SDC1: variants seen among roughly 807,000 people sequenced by gnomAD.
SDC1 encodes syndecan 1.
In SDC1, 14 loss-of-function variants were observed where a neutral mutation model predicts 29.7. The observed-to-expected ratio is 0.47, with a 90% CI of 0.31 to 0.74. The LOEUF is 0.74. SDC1 is among the 30% of genes least tolerant of loss of function. SDC1 has a pLI of 0.05. For missense variants in SDC1, 406 were observed against 400.3 expected (o/e 1.01, Z -0.12); for synonymous variants, 204 against 175.5 (o/e 1.16, Z -1.29).
intron 1 of SDC1, among the ~76,000 whole-genome samples, chr2:20,221,899 G>A (rs1677832896): frequency 6.6e-6 from 1 of 152,160 alleles, no homozygotes; most frequent in African/African-American, 2.4e-5. Flanking sequence ...CCTGAGCGGA[G>A]GCAGCTAGTG....
chr2:20,218,113 C>T (rs1458386167), intron 1 of SDC1, among the ~76,000 whole-genome samples: 1 of 152,236 alleles, frequency 6.6e-6, no homozygotes, highest in Non-Finnish European at 1.5e-5. Context: ...AGGATAAGGT[C>T]TCTCTGTAAC....
At chr2:20,220,450 C>T (rs1677782732) in intron 1 of SDC1, among the ~76,000 whole-genome samples, 1 of 152,164 alleles carries the variant, frequency 6.6e-6, no homozygotes, top group Non-Finnish European at 1.5e-5. Flanking sequence ...CTTCCTCATC[C>T]ACAAAGTGGG....
intron 1 of SDC1, among the ~76,000 whole-genome samples, chr2:20,222,184 C>T (rs1276748089): frequency 2.0e-5 from 3 of 152,190 alleles, no homozygotes; most frequent in South Asian, 2.1e-4. Context: ...GAGCAACCTC[C>T]TCTCCTAGCA....
intron 1 of SDC1, among the ~76,000 whole-genome samples, chr2:20,219,242 G>A (rs780807767): frequency 6.6e-6 from 1 of 151,850 alleles, no homozygotes; most frequent in South Asian, 2.1e-4. Context: ...ACCCCTCCCC[G>A]AGATCCCCAC....
rs2148276151 is a variant in SDC1 at position 20,202,068 on chromosome 2, T to G, written c.*698A>C. ...GACAACACACAAACTAAGCCTACAT[T>G]TTGGCTTCCAGATTTGGTTCTCCTA... On this transcript the variant is annotated 3_prime_UTR_variant, in exon 5 of 5. Coordinates refer to ENST00000254351, the MANE Select transcript of SDC1 (RefSeq NM_002997.5). The G allele has an allele frequency of 7.3e-6, 4 of 545,852 alleles. No individual in the cohort carries two copies. Among genetic ancestry groups the G allele is most frequent in the Admixed American group, 7.2e-5 (2 of 27,788 alleles). 33.8% of individuals were successfully genotyped at this position (545,852 alleles called of 1,614,324 possible).
intron 1 of SDC1, chr2:20,208,102 T>A: frequency 1.0e-6 from 1 of 985,396 alleles, no homozygotes; most frequent in Non-Finnish European, 1.2e-6. Flanking sequence ...GCTAGAACCA[T>A]TGGATCCATG....
rs562505607 is a variant in SDC1 at position 20,202,010 on chromosome 2, A to G, written c.*756T>C. ...CGGGGCCACCAGACAGATAGTCCAT[A>G]CCCTGTTGCACACATGAGCGACAAA... On this transcript the variant is annotated 3_prime_UTR_variant, in exon 5 of 5. Coordinates refer to ENST00000254351, the MANE Select transcript of SDC1 (RefSeq NM_002997.5). 4.3e-5 allele frequency: 20 copies of G among 466,946 alleles called. No individual in the cohort carries two copies. The highest frequency in any genetic ancestry group is 3.9e-4 in the African/African-American group (19 of 49,064). The allele number at this position is 466,946 out of a possible 1,614,324, so 28.9% of individuals were successfully genotyped here.
chr2:20,214,951 C>A (rs1210474472), intron 1 of SDC1, among the ~76,000 whole-genome samples: 2 of 152,206 alleles, frequency 1.3e-5, no homozygotes, highest in Non-Finnish European at 2.9e-5. Flanking sequence ...TAGTACCATG[C>A]ACATTTTACA....
At chr2:20,208,041 C>T (rs1677336085) in intron 1 of SDC1, 18 of 985,432 alleles carry the variant, frequency 1.8e-5, no homozygotes, top group South Asian at 1.4e-4. Flanking sequence ...ACTGGCACTT[C>T]GACCCCACGA....
rs144337471 is a variant in SDC1 at position 20,207,603 on chromosome 2, G to T, written c.67-2179C>A. Among the ~76,000 whole-genome samples, 246 of 152,336 alleles carry T rather than the reference G, an allele frequency of 1.6e-3. 4 individuals carry two copies. The East Asian group carries it at 0.043, about 27-fold the overall frequency. On this transcript the variant is annotated intron_variant, in intron 1 of 4. Transcript: ENST00000254351. Reference sequence around the variant, plus strand: ...GCCTATAGTCCCAGCTACTTGGGAGGCTGAGGCAGGAGAATCCCCTGAATC... The same window carrying T: ...GCCTATAGTCCCAGCTACTTGGGAGTCTGAGGCAGGAGAATCCCCTGAATC...
intron 1 of SDC1, chr2:20,223,372 G>A (rs1295738541): frequency 2.8e-6 from 3 of 1,088,780 alleles, no homozygotes; most frequent in Non-Finnish European, 3.7e-6. Context: ...GACTTGTCCA[G>A]ATGCCACATT....
chr2:20,211,097 G>A (rs1359518360), intron 1 of SDC1, among the ~76,000 whole-genome samples: 6 of 152,156 alleles, frequency 3.9e-5, no homozygotes, highest in Non-Finnish European at 8.8e-5. Flanking sequence ...CATACTGGCT[G>A]AGGGTGATAA....
In SDC1 at chr2:20,202,675, G is replaced by A. The variant is rs1455024285; in HGVS notation, c.*91C>T. ...TGGAATGCTGGGGAGGTGGCCTGGT[G>A]GCAGGGGAGGCCAGGGCCTGCAGTT... On this transcript the variant is annotated 3_prime_UTR_variant, in exon 5 of 5. Coordinates refer to ENST00000254351, the MANE Select transcript of SDC1 (RefSeq NM_002997.5). The A allele has an allele frequency of 5.9e-5, 76 of 1,296,858 alleles. No individual in the cohort carries two copies. Among genetic ancestry groups the A allele is most frequent in the Non-Finnish European group, 8.0e-5 (75 of 934,188 alleles). The allele number at this position is 1,296,858 out of a possible 1,614,324, so 80.3% of individuals were successfully genotyped here.
chr2:20,203,025 A>G, intron 4 of SDC1, 62 bp downstream of exon 4: 1 of 1,562,836 alleles, frequency 6.4e-7, no homozygotes, highest in Non-Finnish European at 8.7e-7. Context: ...GGCTGTGGTC[A>G]GCCCCACCCT....
intron 1 of SDC1, among the ~76,000 whole-genome samples, chr2:20,220,356 C>G (rs1274109620): frequency 6.6e-6 from 1 of 152,156 alleles, no homozygotes; most frequent in Non-Finnish European, 1.5e-5. Flanking sequence ...CATACCCATA[C>G]ACATGCGCAC....
chr2:20,205,626 C>T lies in SDC1; in HGVS notation c.67-202G>A, dbSNP rs138290521. On this transcript the variant is annotated intron_variant, in intron 1 of 4. Transcript: ENST00000254351. ...GGCCCCATCCCCTGATGCTACAACA[C>T]AGCCTGGTACTGGGTGCAGGGCTGC... 8.9e-3 allele frequency among the ~76,000 whole-genome samples: 1,348 copies of T among 152,292 alleles called. 21 individuals are homozygous for T. Among genetic ancestry groups the T allele is most frequent in the African/African-American group, 0.03 (1,239 of 41,558 alleles).
chr2:20,221,558 T>C (rs1677815333), intron 1 of SDC1, among the ~76,000 whole-genome samples: 1 of 152,098 alleles, frequency 6.6e-6, no homozygotes, highest in African/African-American at 2.4e-5. Flanking sequence ...AAATAAATAC[T>C]TCAGAGAGTC....
At position 20,224,914 on chromosome 2, in the gene SDC1, G is replaced by C; in HGVS notation, c.-47C>G. 3.3e-6 allele frequency: 4 copies of C among 1,205,524 alleles called. No individual in the cohort carries two copies. Among genetic ancestry groups the C allele is most frequent in the Non-Finnish European group, 4.1e-6 (4 of 971,618 alleles). The allele number at this position is 1,205,524 out of a possible 1,614,324, so 74.7% of individuals were successfully genotyped here. Reference sequence around the variant, plus strand: ...AGAGCGGCAGGCTGCGCGGGTCGCGGCTGCGGGCCGGCTTCGCGGGTTCCG... The same window carrying C: ...AGAGCGGCAGGCTGCGCGGGTCGCGCCTGCGGGCCGGCTTCGCGGGTTCCG... On this transcript the variant is annotated 5_prime_UTR_variant, in exon 1 of 5. Transcript: ENST00000254351. This position sits in a 1 kb window ranked among gnomAD's most constrained non-coding sequence, Gnocchi z 4.9.
At chr2:20,204,312 T>A (rs1677172198) in intron 2 of SDC1, 21 bp from the exon 3 acceptor site, 2 of 1,268,354 alleles carry the variant, frequency 1.6e-6, no homozygotes, top group Admixed American at 4.5e-5. Context: ...AGAAGCAGAG[T>A]GTGTTGGGGA....
Sources: allele counts gnomAD v4.1 joint callset (sites outside exome capture counted in the v4.1 genomes callset), GRCh38; gene constraint gnomAD v4.1.1; non-coding constraint Gnocchi (gnomAD v3.1); transcripts MANE v1.5; gene names NCBI Gene and HGNC (gene_info 2026-07-23, HGNC 2026-07-21).